Variants in RYR2 observed in about 807,000 individuals in gnomAD.
RYR2 encodes the protein ryanodine receptor 2.
RYR2 carries 227 observed loss-of-function variants against 601.1 expected under a neutral mutation model. That is an observed-to-expected ratio of 0.38 (90% CI 0.34 to 0.42). The LOEUF is 0.42. Among genes scored for constraint, RYR2 ranks in the 10% least tolerant of loss-of-function variants. The pLI, the probability that RYR2 is intolerant of heterozygous loss-of-function variation, is 1.00. For synonymous variants in RYR2, 2,223 were observed against 2,175.1 expected (o/e 1.02, Z -0.61); for missense variants, 4,646 against 6,156.5 (o/e 0.75, Z 8.21).
At chr1:237,192,952 C>T (rs1680136480) in intron 1 of RYR2, among the ~76,000 whole-genome samples, 1 of 151,966 alleles carries the variant, frequency 6.6e-6, no homozygotes, top group Non-Finnish European at 1.5e-5. Context: ...CAGTATCCTT[C>T]CGAATCCCAA....
At chr1:237,242,628 C>A (rs1330077123) in intron 1 of RYR2, among the ~76,000 whole-genome samples, 1 of 152,066 alleles carries the variant, frequency 6.6e-6, no homozygotes, top group Non-Finnish European at 1.5e-5. Context: ...GACATTTTCA[C>A]GTTACTATGC....
intron 1 of RYR2, among the ~76,000 whole-genome samples, chr1:237,198,291 A>C (rs1000516312): frequency 6.6e-6 from 1 of 152,212 alleles, no homozygotes; most frequent in Admixed American, 6.5e-5. Flanking sequence ...AGTCTACTAA[A>C]GTGTTGAGCA....
At chr1:237,122,914 A>G (rs1981178) in intron 1 of RYR2, among the ~76,000 whole-genome samples, 55,359 of 152,048 alleles carry the variant, frequency 0.36, 12,405 homozygotes, top group Admixed American at 0.5. Context: ...TAAAAACCTT[A>G]TGTATATAAG....
intron 1 of RYR2, among the ~76,000 whole-genome samples, chr1:237,083,507 T>C (rs939634546): frequency 2.0e-5 from 3 of 151,906 alleles, no homozygotes; most frequent in African/African-American, 7.3e-5. Context: ...CACAGTCATC[T>C]CTCCTCTCTG....
rs536694711 is a variant in RYR2, at chr1:237,496,679, C to T, written c.2130C>T (p.Gly710=). 55 of 1,613,820 alleles carry T rather than the reference C, an allele frequency of 3.4e-5. No homozygotes were observed. The highest frequency in any genetic ancestry group is 2.0e-4 in the South Asian group (18 of 91,074). ...TEGYSPYPGG[G]EEWGGNGVGD... is the part of the protein sequence containing the mutation. ...GATATTCTCCCTACCCTGGAGGGGGCGAAGAGTGGGGTGGAAATGGTGTTG... is the reference window on the plus strand; with the variant it reads ...GATATTCTCCCTACCCTGGAGGGGGTGAAGAGTGGGGTGGAAATGGTGTTG... The change falls in exon 20 of 105, where the codon GGC becomes GGT. Residue 710 remains glycine (G), a synonymous_variant. Coordinates refer to ENST00000366574, the MANE Select transcript of RYR2 (RefSeq NM_001035.3).
intron 80 of RYR2, among the ~76,000 whole-genome samples, chr1:237,747,319 T>C (rs966191543): frequency 3.3e-5 from 5 of 152,230 alleles, no homozygotes; most frequent in Non-Finnish European, 5.9e-5. Context: ...TTAAAGAGAA[T>C]TTCTTGTGTG....
intron 79 of RYR2, among the ~76,000 whole-genome samples, chr1:237,735,959 A>T (rs61830281): frequency 3.9e-5 from 6 of 152,216 alleles, no homozygotes; most frequent in Non-Finnish European, 8.8e-5. Flanking sequence ...ATTTATAGAA[A>T]CATAAAACTG....
At chr1:237,584,649 G>GTTTTT (rs61131096) in intron 29 of RYR2, among the ~76,000 whole-genome samples, 1,454 of 72,418 alleles carry the variant, frequency 0.02, 122 homozygotes, top group African/African-American at 0.032. Context: ...CTCACCACCT[G>GTTTTT]TTTTTTTTTT....
chr1:237,826,971 G>A (rs988301968), intron 101 of RYR2, among the ~76,000 whole-genome samples: 3 of 152,044 alleles, frequency 2.0e-5, no homozygotes, highest in South Asian at 2.1e-4. Context: ...TTTTACTTCC[G>A]GGCAACTTGG....
At chr1:237,658,771 T>C (rs1221922979) in intron 54 of RYR2, among the ~76,000 whole-genome samples, 1 of 152,176 alleles carries the variant, frequency 6.6e-6, no homozygotes, top group Non-Finnish European at 1.5e-5. Flanking sequence ...ATTATTTACC[T>C]TTTCTATTCT....
rs191649811 is a variant in RYR2, at chr1:237,786,720, T to G, written c.13328+684T>G. ...CATCTTTCTCCACGTTTATAGAATT[T>G]TATACGCACATTTGAAAAGTTGGGG... On this transcript the variant is annotated intron_variant, in intron 91 of 104. Transcript: ENST00000366574. 7.6e-4 allele frequency among the ~76,000 whole-genome samples: 116 copies of G among 152,354 alleles called. No individual in the cohort carries two copies. In the South Asian group the frequency reaches 8.3e-3, roughly 11 times the overall value.
intron 23 of RYR2, among the ~76,000 whole-genome samples, chr1:237,508,051 C>G (rs1665450619): frequency 6.6e-6 from 1 of 152,130 alleles, no homozygotes; most frequent in Non-Finnish European, 1.5e-5. Flanking sequence ...GCAACCTCCA[C>G]CTACCCGGTT....
At chr1:237,820,056 G>A (rs1363369019) in intron 101 of RYR2, among the ~76,000 whole-genome samples, 2 of 151,546 alleles carry the variant, frequency 1.3e-5, no homozygotes, top group Non-Finnish European at 2.9e-5. Context: ...GTGTGGTGGT[G>A]TGAACCTATA....
intron 14 of RYR2, among the ~76,000 whole-genome samples, chr1:237,447,768 CGTCT>C (rs1011848985): frequency 1.3e-5 from 2 of 150,920 alleles, no homozygotes; most frequent in African/African-American, 4.9e-5. Context: ...CTTTTCTTTC[CGTCT>C]GTCTCTCTCT....
chr1:237,539,013 G>T (rs748452188), intron 25 of RYR2, among the ~76,000 whole-genome samples: 5 of 152,112 alleles, frequency 3.3e-5, no homozygotes, highest in African/African-American at 4.8e-5. Context: ...GACTTTAAAG[G>T]TCCATTCTTC....
chr1:237,416,042 C>T (rs7547449), intron 10 of RYR2, among the ~76,000 whole-genome samples: 2 of 152,114 alleles, frequency 1.3e-5, no homozygotes, highest in Non-Finnish European at 2.9e-5. Flanking sequence ...AGGTAGGGAA[C>T]GGCAGGTGAG....
intron 98 of RYR2, among the ~76,000 whole-genome samples, chr1:237,803,385 G>C (rs1298265864): frequency 6.6e-6 from 1 of 151,812 alleles, no homozygotes; most frequent in East Asian, 1.9e-4. Context: ...CTCACTGCAA[G>C]CTCCGCCTCC....
intron 1 of RYR2, among the ~76,000 whole-genome samples, chr1:237,181,668 T>A (rs1441945595): frequency 3.9e-5 from 6 of 152,180 alleles, no homozygotes; most frequent in African/African-American, 1.4e-4. Flanking sequence ...CCCATCAGCC[T>A]CCACATCCTG....
chr1:237,704,736 C>CA (rs141169787), intron 66 of RYR2, among the ~76,000 whole-genome samples: 1,770 of 146,738 alleles, frequency 0.012, 30 homozygotes, highest in African/African-American at 0.041. Context: ...ATTGGGGAAA[C>CA]AAAAAAAAAT....
Sources: allele counts gnomAD v4.1 joint callset (sites outside exome capture counted in the v4.1 genomes callset), GRCh38; gene constraint gnomAD v4.1.1; transcripts MANE v1.5; gene names NCBI Gene and HGNC (gene_info 2026-07-23, HGNC 2026-07-21).